Variants in TAX1BP1 observed in about 807,000 individuals in gnomAD.
TAX1BP1 encodes tax1-binding protein 1.
Under a neutral mutation model 97.7 loss-of-function variants are expected in TAX1BP1, and 62 were observed. That is an observed-to-expected ratio of 0.63 (90% CI 0.52 to 0.78). The LOEUF (loss-of-function observed/expected upper bound fraction) is 0.78, where lower values mean the gene tolerates loss of function less well. Ranked by LOEUF, TAX1BP1 falls within the 30% of genes least tolerant of loss-of-function variation. The pLI, the probability that TAX1BP1 is intolerant of heterozygous loss-of-function variation, is 0.00. For synonymous variants in TAX1BP1, 340 were observed against 304.2 expected (o/e 1.12, Z -1.23); for missense variants, 867 against 916.1 (o/e 0.95, Z 0.69).
At chr7:27,789,386 T>C (rs1183007646) in intron 8 of TAX1BP1, among the ~76,000 whole-genome samples, 1 of 151,972 alleles carries the variant, frequency 6.6e-6, no homozygotes, top group Non-Finnish European at 1.5e-5. Flanking sequence ...TACTCTGAGG[T>C]CTCAATCTCT....
intron 2 of TAX1BP1, among the ~76,000 whole-genome samples, chr7:27,753,217 T>A (rs566935953): frequency 5.3e-5 from 8 of 152,296 alleles, no homozygotes; most frequent in African/African-American, 1.9e-4. Context: ...TGAGTATCGC[T>A]TGAACCCAGG....
At chr7:27,796,260 G>A in intron 12 of TAX1BP1, 41 bp downstream of exon 12, 1 of 1,419,968 alleles carries the variant, frequency 7.0e-7, no homozygotes. Flanking sequence ...TTTATAAAAT[G>A]TTAATGACTT....
At chr7:27,792,776 A>G (rs1789768113) in intron 9 of TAX1BP1, among the ~76,000 whole-genome samples, 1 of 152,032 alleles carries the variant, frequency 6.6e-6, no homozygotes, top group Non-Finnish European at 1.5e-5. Context: ...AGCCCGGGCA[A>G]CATAGTGAGA....
intron 1 of TAX1BP1, among the ~76,000 whole-genome samples, chr7:27,742,806 A>G (rs1787673136): frequency 6.6e-6 from 1 of 152,174 alleles, no homozygotes; most frequent in Non-Finnish European, 1.5e-5. Flanking sequence ...TATAGTTCTC[A>G]CTGCAGCCAT....
chr7:27,774,287 T>C (rs376944607), intron 5 of TAX1BP1, among the ~76,000 whole-genome samples: 13 of 152,252 alleles, frequency 8.5e-5, no homozygotes, highest in Non-Finnish European at 1.3e-4. Flanking sequence ...AAAGAACAAC[T>C]TGTCATCAGA....
chr7:27,783,658 G>A (rs924135391), intron 5 of TAX1BP1, among the ~76,000 whole-genome samples: 1 of 151,902 alleles, frequency 6.6e-6, no homozygotes, highest in African/African-American at 2.4e-5. Flanking sequence ...CCCGTTATAG[G>A]GCTTCATTAC....
Position 27,803,437 on chromosome 7 carries a change from T to C in TAX1BP1, c.1764+3347T>C, listed in dbSNP as rs373739534. Among the ~76,000 whole-genome samples the C allele has an allele frequency of 1.7e-3, 254 of 152,362 alleles. 1 individual carries two copies. The highest frequency in any genetic ancestry group is 5.6e-3 in the African/African-American group (233 of 41,588). On this transcript the variant is annotated intron_variant, in intron 13 of 16. Transcript: ENST00000396319. ...TACATTTGTAATGTAAAAGATACTA[T>C]AGTGCAGCATTTCTGAAAGTGTGGT...
chr7:27,773,210 C>T (rs904313687), intron 5 of TAX1BP1, among the ~76,000 whole-genome samples: 1 of 152,086 alleles, frequency 6.6e-6, no homozygotes, highest in Non-Finnish European at 1.5e-5. Flanking sequence ...GGCTCCAGTC[C>T]GTGCTTTTAA....
rs953369356 is a variant in TAX1BP1 at position 27,748,746 on chromosome 7, G to T, written c.162+60G>T. The T allele has an allele frequency of 4.6e-6, 6 of 1,312,386 alleles. No individual in the cohort carries two copies. The African/African-American group carries it at 7.5e-5, about 16-fold the overall frequency. The allele number at this position is 1,312,386 out of a possible 1,614,324, so 81.3% of individuals were successfully genotyped here. ...ACACTTAAAATTTTCTTTTAAAACA[G>T]ATTGATAAGTAGCTTTTACTTGCCT... is the stretch of plus-strand genomic sequence containing the variant. On this transcript the variant is annotated intron_variant, in intron 2 of 16. Coordinates refer to ENST00000396319, the MANE Select transcript of TAX1BP1 (RefSeq NM_006024.7).
intron 13 of TAX1BP1, among the ~76,000 whole-genome samples, chr7:27,814,460 G>A (rs1790685442): frequency 6.6e-6 from 1 of 151,966 alleles, no homozygotes. Flanking sequence ...AATTTGGGGG[G>A]GGAATTAATA....
At chr7:27,783,514 G>A (rs1789344331) in intron 5 of TAX1BP1, among the ~76,000 whole-genome samples, 1 of 152,198 alleles carries the variant, frequency 6.6e-6, no homozygotes, top group Non-Finnish European at 1.5e-5. Context: ...GAAAGTCTAA[G>A]ACGCTTGTTG....
chr7:27,783,182 G>A (rs765880825), intron 5 of TAX1BP1, among the ~76,000 whole-genome samples: 6 of 152,096 alleles, frequency 3.9e-5, no homozygotes, highest in Non-Finnish European at 7.4e-5. Context: ...ATTATCTGAT[G>A]GAGGTTTTCT....
intron 5 of TAX1BP1, among the ~76,000 whole-genome samples, chr7:27,782,311 A>C (rs1395909272): frequency 6.6e-6 from 1 of 152,004 alleles, no homozygotes; most frequent in Non-Finnish European, 1.5e-5. Context: ...ATCTAGGCTC[A>C]TTGCAACCTC....
At chr7:27,807,083 T>C (rs1335003076) in intron 13 of TAX1BP1, among the ~76,000 whole-genome samples, 1 of 152,204 alleles carries the variant, frequency 6.6e-6, no homozygotes, top group Non-Finnish European at 1.5e-5. Flanking sequence ...TCTTGAACTT[T>C]TTGTAGTTTT....
rs903941532 is a variant in TAX1BP1, at chr7:27,748,458, T to G, written c.-7-60T>G. The G allele has an allele frequency of 5.9e-6, 7 of 1,188,476 alleles. No individual in the cohort carries two copies. In the Admixed American group the frequency reaches 1.5e-4, roughly 25 times the overall value. 73.6% of individuals were successfully genotyped at this position (1,188,476 alleles called of 1,614,324 possible). ...CTTATATTAAATATTATGTATTTTC[T>G]GAAGGCATAAGTTTATTCTTAGTTG... is the stretch of plus-strand genomic sequence containing the variant. On this transcript the variant is annotated intron_variant, in intron 1 of 16. Transcript: ENST00000396319.
intron 12 of TAX1BP1, among the ~76,000 whole-genome samples, chr7:27,798,648 AG>A (rs1790023214): frequency 7.1e-6 from 1 of 141,220 alleles, no homozygotes; most frequent in Non-Finnish European, 1.5e-5. Flanking sequence ...TGGGTGACAG[AG>A]TGAGACTCTG....
intron 2 of TAX1BP1, among the ~76,000 whole-genome samples, chr7:27,753,406 G>C (rs187125016): frequency 6.6e-6 from 1 of 152,158 alleles, no homozygotes; most frequent in Non-Finnish European, 1.5e-5. Context: ...GTTTTGTTCC[G>C]TTTTGTGTTT....
rs187474196 is a variant in TAX1BP1 at position 27,765,348 on chromosome 7, A to G, written c.266-486A>G. Among the ~76,000 whole-genome samples the G allele has an allele frequency of 8.5e-5, 13 of 152,180 alleles. No homozygotes were observed. In the East Asian group the frequency reaches 2.5e-3, roughly 30 times the overall value. Reference sequence around the variant, plus strand: ...AAGCTTATTTTTACCATACTGCACTAGCAGACCTCATCTTTTCTGCCTTCA... The same window carrying G: ...AAGCTTATTTTTACCATACTGCACTGGCAGACCTCATCTTTTCTGCCTTCA... On this transcript the variant is annotated intron_variant, in intron 3 of 16. Transcript: ENST00000396319.
At chr7:27,770,648 T>A (rs757601056) in intron 5 of TAX1BP1, among the ~76,000 whole-genome samples, 3 of 152,128 alleles carry the variant, frequency 2.0e-5, no homozygotes, top group Non-Finnish European at 4.4e-5. Flanking sequence ...AATTGCTAAA[T>A]GAACCGCTAG....
Sources: allele counts gnomAD v4.1 joint callset (sites outside exome capture counted in the v4.1 genomes callset), GRCh38; gene constraint gnomAD v4.1.1; transcripts MANE v1.5; gene names NCBI Gene and HGNC (gene_info 2026-07-23, HGNC 2026-07-21).